Variants in NFATC3 observed in about 807,000 individuals in gnomAD.
NFATC3 encodes the protein nuclear factor of activated T-cells, cytoplasmic 3.
Under a neutral mutation model 98.6 loss-of-function variants are expected in NFATC3, and 46 were observed. The ratio of observed to expected loss-of-function variants is 0.47; its 90% CI spans 0.37 to 0.60. NFATC3 has a LOEUF of 0.60. Among genes scored for constraint, NFATC3 ranks in the 20% least tolerant of loss-of-function variants. The pLI, the probability that NFATC3 is intolerant of heterozygous loss-of-function variation, is 0.00. For synonymous variants in NFATC3, 512 were observed against 472.2 expected, an observed-to-expected ratio of 1.08 and a Z score of -1.09; for missense variants, 1,256 against 1,295.5, an observed-to-expected ratio of 0.97 and a Z score of 0.47.
intron 9 of NFATC3, among the ~76,000 whole-genome samples, chr16:68,207,068 G>T (rs1299675236): frequency 6.6e-6 from 1 of 151,250 alleles, no homozygotes; most frequent in Admixed American, 6.6e-5. Flanking sequence ...CCCAGCACCT[G>T]GGAGGCTGAG....
intron 8 of NFATC3, 89 bp downstream of exon 8, chr16:68,183,455 G>A: frequency 6.9e-7 from 1 of 1,444,114 alleles, no homozygotes; most frequent in Non-Finnish European, 9.4e-7. Context: ...AGTGTTTAAG[G>A]TAGAGTGCTT....
intron 3 of NFATC3, among the ~76,000 whole-genome samples, chr16:68,130,540 A>G (rs2037062469): frequency 1.3e-5 from 2 of 152,164 alleles, no homozygotes; most frequent in South Asian, 2.1e-4. Flanking sequence ...TACCTTGTAC[A>G]TTCTTAGTAT....
rs57800061 is a variant in NFATC3, at chr16:68,189,496, G to T, written c.2099-1272G>T. On this transcript the variant is annotated intron_variant, in intron 8 of 9. Transcript: ENST00000346183. ...TTTTAGAATGAGTTTTTCTATTTCT[G>T]CAAAAACTGTCACTGAGACTTTGAT... The T allele has an allele frequency of 4.6e-3, 751 of 164,754 alleles. 7 individuals are homozygous for T. Among genetic ancestry groups the T allele is most frequent in the African/African-American group, 0.017 (707 of 42,106 alleles). 10.2% of individuals were successfully genotyped at this position (164,754 alleles called of 1,614,324 possible). A position where few individuals can be genotyped will look rare whatever the true frequency, so the allele number is the denominator to read the frequency against.
chr16:68,178,211 A>G (rs954885604), intron 6 of NFATC3, among the ~76,000 whole-genome samples: 2 of 152,178 alleles, frequency 1.3e-5, no homozygotes, highest in Non-Finnish European at 2.9e-5. Flanking sequence ...ATTGCTTCAT[A>G]AATGTCTCAC....
rs569012576 is a variant in NFATC3, at chr16:68,140,501, A to G, written c.1401+13891A>G. Among the ~76,000 whole-genome samples the G allele has an allele frequency of 6.6e-5, 10 of 152,322 alleles. No individual in the cohort carries two copies. In the East Asian group the frequency reaches 1.7e-3, roughly 26 times the overall value. Reference sequence around the variant, plus strand: ...ATTCAGTTATTCAGTTGCATTGACAACATTCCAAGGTTTAGTAGCCACATG... The same window carrying G: ...ATTCAGTTATTCAGTTGCATTGACAGCATTCCAAGGTTTAGTAGCCACATG... On this transcript the variant is annotated intron_variant, in intron 3 of 9. Transcript: ENST00000346183.
In NFATC3 at chr16:68,227,578, A is replaced by G. The variant is rs964841749; in HGVS notation, c.*1107A>G. 14 of 152,176 alleles carry G rather than the reference A, an allele frequency of 9.2e-5. No homozygotes were observed. The highest frequency in any genetic ancestry group is 1.4e-4 in the African/African-American group (6 of 41,436). The allele number at this position is 152,176 out of a possible 1,614,324, so 9.4% of individuals were successfully genotyped here. Reference sequence around the variant, plus strand: ...GCATGGAAGGCTTATCTGCCATTCTATTTATAGCCTGAAATGATTCTGGCC... The same window carrying G: ...GCATGGAAGGCTTATCTGCCATTCTGTTTATAGCCTGAAATGATTCTGGCC... On this transcript the variant is annotated 3_prime_UTR_variant, in exon 10 of 10. Transcript: ENST00000346183.
chr16:68,192,230 A>AAAAAAAATATATAT (rs1555522047), intron 9 of NFATC3: 1 of 82,600 alleles, frequency 1.2e-5, no homozygotes, highest in African/African-American at 5.7e-5. Context: ...AAAAAAAAAA[A>AAAAAAAATATATAT]ATATATATAT....
At chr16:68,170,601 T>G (rs1034477803) in intron 5 of NFATC3, among the ~76,000 whole-genome samples, 1 of 150,898 alleles carries the variant, frequency 6.6e-6, no homozygotes, top group Non-Finnish European at 1.5e-5. Context: ...CAAGTAATTA[T>G]TGTGCCTCAG....
chr16:68,121,851 A>G, intron 1 of NFATC3, 136 bp from the exon 2 acceptor site: 1 of 972,506 alleles, frequency 1.0e-6, no homozygotes, highest in South Asian at 1.7e-5. Context: ...TAGTGGAGCT[A>G]ATGACATACA....
intron 1 of NFATC3, among the ~76,000 whole-genome samples, chr16:68,086,430 G>A (rs1390918984): frequency 6.6e-6 from 1 of 151,904 alleles, no homozygotes; most frequent in East Asian, 1.9e-4. Flanking sequence ...TTCCTAGAAA[G>A]TTCTAGAAGT....
chr16:68,165,020 G>C (rs2039121356), intron 4 of NFATC3, among the ~76,000 whole-genome samples: 1 of 152,094 alleles, frequency 6.6e-6, no homozygotes, highest in Non-Finnish European at 1.5e-5. Context: ...AGAGTTTTCA[G>C]ATGTACTTTC....
At chr16:68,195,446 G>T (rs754890502) in intron 9 of NFATC3, among the ~76,000 whole-genome samples, 3 of 151,952 alleles carry the variant, frequency 2.0e-5, no homozygotes, top group Non-Finnish European at 4.4e-5. Flanking sequence ...GAGATGGAAG[G>T]ATCACCTGGA....
intron 1 of NFATC3, among the ~76,000 whole-genome samples, chr16:68,092,103 A>C (rs1008618401): frequency 6.6e-6 from 1 of 152,312 alleles, no homozygotes; most frequent in African/African-American, 2.4e-5. Context: ...ATGAATTGCT[A>C]GTTTACCAAC....
intron 9 of NFATC3, among the ~76,000 whole-genome samples, chr16:68,195,725 G>A (rs993868941): frequency 3.3e-5 from 5 of 151,870 alleles, no homozygotes; most frequent in South Asian, 2.1e-4. Context: ...GGAGAATGGC[G>A]TGAACCCAAG....
chr16:68,100,066 T>C (rs1317187671), intron 1 of NFATC3, among the ~76,000 whole-genome samples: 1 of 152,218 alleles, frequency 6.6e-6, no homozygotes, highest in Non-Finnish European at 1.5e-5. Flanking sequence ...TCTGTTTTAT[T>C]GCTGAGTAGT....
intron 2 of NFATC3, 118 bp from the exon 3 acceptor site, chr16:68,126,330 G>A: frequency 1.2e-6 from 1 of 868,500 alleles, no homozygotes; most frequent in Non-Finnish European, 1.7e-6. Flanking sequence ...GTTTTATTTT[G>A]TAATACATTG....
At chr16:68,123,176 G>A in intron 2 of NFATC3, 55 bp downstream of exon 2, 1 of 1,513,304 alleles carries the variant, frequency 6.6e-7, no homozygotes, top group South Asian at 1.3e-5. Flanking sequence ...GTCATTGGTG[G>A]CATATAACTA....
chr16:68,185,434 G>C (rs1268812290), intron 8 of NFATC3, among the ~76,000 whole-genome samples: 1 of 152,092 alleles, frequency 6.6e-6, no homozygotes. Context: ...GTCCAAAGAG[G>C]TTATCAAATA....
chr16:68,126,549 A>G lies in NFATC3; in HGVS notation c.1340A>G (p.Tyr447Cys). 6.2e-7 allele frequency: 1 copy of G among 1,614,208 alleles called. No individual in the cohort carries two copies. The highest frequency in any genetic ancestry group is 8.5e-7 in the Non-Finnish European group (1 of 1,180,030). ...VQPKTHHRAH[Y>C]ETEGSRGAVK... is the part of the protein sequence containing the mutation. Reference sequence around the variant, plus strand: ...CCTAAAACTCATCATCGAGCCCATTATGAAACTGAAGGTAGCCGAGGGGCA... The same window carrying G: ...CCTAAAACTCATCATCGAGCCCATTGTGAAACTGAAGGTAGCCGAGGGGCA... The change falls in exon 3 of 10, where the codon TAT becomes TGT. Residue 447 changes from tyrosine (Y) to cysteine (C), a missense_variant. By Grantham distance (194) the Tyr-to-Cys change is radical. Around this residue, in one of 3 missense-constraint regions of NFATC3, gnomAD observed 156 missense variants for 212.4 expected, o/e 0.73. Coordinates refer to ENST00000346183, the MANE Select transcript of NFATC3 (RefSeq NM_173165.3).
Sources: allele counts gnomAD v4.1 joint callset (sites outside exome capture counted in the v4.1 genomes callset), GRCh38; gene constraint gnomAD v4.1.1; regional missense constraint gnomAD v4.1.1; transcripts MANE v1.5; gene names NCBI Gene and HGNC (gene_info 2026-07-23, HGNC 2026-07-21).